FHIT: variants seen among roughly 807,000 people sequenced by gnomAD.
The protein encoded by FHIT is fragile histidine triad diadenosine triphosphatase.
A neutral mutation model predicts 17.9 loss-of-function variants in FHIT; 19 were observed. The observed-to-expected ratio is 1.06, with a 90% CI of 0.74 to 1.56. FHIT has a LOEUF of 1.56. Ranked by LOEUF, FHIT falls within the 40% of genes most tolerant of loss-of-function variation. The pLI is 0.00. For synonymous variants in FHIT, 81 were observed against 69.7 expected (o/e 1.16, Z -0.81); for missense variants, 248 against 189.2 (o/e 1.31, Z -1.82).
In FHIT at chr3:59,907,589, G is replaced by T. The variant is rs924558248; in HGVS notation, c.348+14757C>A. ...AGAAAGAGTGCATGTGTACATGAGT[G>T]GGCACGTGCATGCATGTGTGTGCAT... On this transcript the variant is annotated intron_variant, in intron 8 of 9. Transcript: ENST00000492590. Among the ~76,000 whole-genome samples, 5 of 152,134 alleles carry T rather than the reference G, an allele frequency of 3.3e-5. No individual in the cohort carries two copies. In the East Asian group the frequency reaches 9.6e-4, roughly 29 times the overall value.
At chr3:60,043,741 C>A (rs1701540138) in intron 5 of FHIT, among the ~76,000 whole-genome samples, 1 of 152,152 alleles carries the variant, frequency 6.6e-6, no homozygotes, top group Non-Finnish European at 1.5e-5. Context: ...ATAAACCTCC[C>A]ACTGATTAGA....
chr3:60,086,701 T>C, intron 5 of FHIT, among the ~76,000 whole-genome samples: 1 of 152,210 alleles, frequency 6.6e-6, no homozygotes, highest in Middle Eastern at 3.2e-3. Flanking sequence ...TAATCTTCTT[T>C]GCCTCCATGC....
chr3:60,068,969 T>C (rs1702639534), intron 5 of FHIT, among the ~76,000 whole-genome samples: 1 of 152,232 alleles, frequency 6.6e-6, no homozygotes, highest in South Asian at 2.1e-4. Flanking sequence ...ATATAAATTA[T>C]GGTACTTCCA....
intron 5 of FHIT, among the ~76,000 whole-genome samples, chr3:60,220,263 G>A (rs896990298): frequency 5.3e-5 from 8 of 152,034 alleles, no homozygotes; most frequent in Non-Finnish European, 1.2e-4. Flanking sequence ...TCAAAAATCA[G>A]ACCTGATAAA....
intron 1 of FHIT, among the ~76,000 whole-genome samples, chr3:61,232,611 A>G (rs1020759649): frequency 2.0e-5 from 3 of 152,172 alleles, no homozygotes; most frequent in African/African-American, 7.2e-5. Context: ...TACCTTTGAA[A>G]TTCTCTCCCT....
chr3:59,872,151 G>C (rs971394012), intron 8 of FHIT, among the ~76,000 whole-genome samples: 1 of 152,162 alleles, frequency 6.6e-6, no homozygotes, highest in Non-Finnish European at 1.5e-5. Context: ...GTCTCCTCAA[G>C]TCACTGGAGT....
chr3:60,565,188 G>C (rs1434346364), intron 4 of FHIT, among the ~76,000 whole-genome samples: 1 of 152,110 alleles, frequency 6.6e-6, no homozygotes, highest in Non-Finnish European at 1.5e-5. Context: ...CTACAGCTAA[G>C]TGTAAATATA....
At chr3:60,810,563 C>T (rs1187680981) in intron 4 of FHIT, among the ~76,000 whole-genome samples, 1 of 152,166 alleles carries the variant, frequency 6.6e-6, no homozygotes, top group Non-Finnish European at 1.5e-5. Context: ...AGAAAGGTTT[C>T]TTGGGTCTCT....
intron 5 of FHIT, among the ~76,000 whole-genome samples, chr3:60,432,124 T>C (rs2107298988): frequency 6.6e-6 from 1 of 152,114 alleles, no homozygotes; most frequent in South Asian, 2.1e-4. Context: ...TACAGGTACA[T>C]GCCACCATGC....
chr3:60,239,329 C>A (rs1345988769), intron 5 of FHIT, among the ~76,000 whole-genome samples: 1 of 151,986 alleles, frequency 6.6e-6, no homozygotes, highest in African/African-American at 2.4e-5. Flanking sequence ...ATTTGGAAGG[C>A]TAAGGTGGGA....
chr3:60,057,241 G>A (rs892771463), intron 5 of FHIT, among the ~76,000 whole-genome samples: 6 of 152,046 alleles, frequency 3.9e-5, no homozygotes, highest in Non-Finnish European at 5.9e-5. Flanking sequence ...TATGACAGAC[G>A]CCAAAGAAGT....
At chr3:60,452,680 T>G (rs1049520178) in intron 5 of FHIT, among the ~76,000 whole-genome samples, 1 of 152,308 alleles carries the variant, frequency 6.6e-6, no homozygotes, top group Non-Finnish European at 1.5e-5. Flanking sequence ...AAATCTTGTT[T>G]ACATTATTAA....
At chr3:60,157,673 G>C (rs1700761302) in intron 5 of FHIT, among the ~76,000 whole-genome samples, 2 of 152,176 alleles carry the variant, frequency 1.3e-5, no homozygotes, top group Admixed American at 1.3e-4. Context: ...AGAGGACTTG[G>C]GAGGAAAGTG....
At chr3:60,036,139 ACCACAAGAAG>A (rs1231668394) in intron 5 of FHIT, among the ~76,000 whole-genome samples, 1 of 152,206 alleles carries the variant, frequency 6.6e-6, no homozygotes, top group Non-Finnish European at 1.5e-5. Flanking sequence ...GTTCCACCAA[ACCACAAGAAG>A]CATAATGCTA....
At chr3:60,598,958 G>C (rs1553667735) in intron 4 of FHIT, among the ~76,000 whole-genome samples, 6 of 152,146 alleles carry the variant, frequency 3.9e-5, no homozygotes, top group Non-Finnish European at 8.8e-5. Flanking sequence ...GTCTGCCAAG[G>C]GATTTCCCTA....
intron 5 of FHIT, among the ~76,000 whole-genome samples, chr3:60,258,063 A>ACACAC (rs1706096681): frequency 1.9e-5 from 1 of 52,126 alleles, no homozygotes; most frequent in African/African-American, 7.0e-5. Flanking sequence ...TTGGAAATTA[A>ACACAC]ATACACACAC....
chr3:60,899,891 C>T (rs1336129793), intron 3 of FHIT, among the ~76,000 whole-genome samples: 2 of 152,068 alleles, frequency 1.3e-5, no homozygotes, highest in African/African-American at 4.8e-5. Flanking sequence ...TGATGAGAGG[C>T]TCCTAAAAGC....
intron 5 of FHIT, among the ~76,000 whole-genome samples, chr3:60,371,087 C>T (rs1700307500): frequency 6.6e-6 from 1 of 152,168 alleles, no homozygotes; most frequent in Admixed American, 6.5e-5. Flanking sequence ...CAAACATGAA[C>T]ACCTGAGACA....
chr3:60,487,101 G>A (rs1245321538), intron 5 of FHIT, among the ~76,000 whole-genome samples: 10 of 152,134 alleles, frequency 6.6e-5, no homozygotes, highest in Non-Finnish European at 1.5e-5. Context: ...TGATTGAATC[G>A]AATAGTCATC....
Sources: gnomAD v4.1 joint callset for allele counts (sites outside exome capture counted in the v4.1 genomes callset) on GRCh38, gnomAD v4.1.1 for gene constraint, MANE v1.5 for transcripts, NCBI Gene and HGNC (gene_info 2026-07-23, HGNC 2026-07-21) for gene names.